The following ZNF786 variants were observed in gnomAD, a reference collection of about 807,000 sequenced individuals.
ZNF786 encodes zinc finger protein 786.
A neutral mutation model predicts 63.1 loss-of-function variants in ZNF786; 56 were observed. The ratio of observed to expected loss-of-function variants is 0.89; its 90% CI spans 0.72 to 1.11. The LOEUF is 1.11. Ranked by LOEUF, ZNF786 falls within the 50% of genes least tolerant of loss-of-function variation. The pLI is 0.00. For missense variants in ZNF786, 1,213 were observed against 1,041.8 expected (o/e 1.16, Z -2.26); for synonymous variants, 485 against 406.9 (o/e 1.19, Z -2.31).
chr7:149,073,281 C>T (rs1479907303), intron 3 of ZNF786, among the ~76,000 whole-genome samples: 1 of 152,206 alleles, frequency 6.6e-6, no homozygotes, highest in Non-Finnish European at 1.5e-5. Context: ...ATCCAAAAAT[C>T]TCAGACTCTC....
In ZNF786 at chr7:149,070,590, G is replaced by A. The variant is rs747263560; in HGVS notation, c.2182C>T (p.Pro728Ser). 4.3e-6 allele frequency: 7 copies of A among 1,613,846 alleles called. No homozygotes were observed. In the African/African-American group the frequency reaches 9.3e-5, roughly 22 times the overall value. The change falls in exon 4 of 4, where the codon CCC (proline) becomes TCC (serine). Residue 728 changes from proline (P) to serine (S), a missense_variant. Transcript: ENST00000491431. Reference protein sequence around the residue: ...HMLRHQRIHRPERPFACGDCG... With the variant: ...HMLRHQRIHRSERPFACGDCG... The stretch of plus-strand genomic sequence containing the variant: ...TCGCCACAGGCAAAGGGCCTCTCGG[G>A]CCTGTGGATGCGCTGGTGCCTCAGC...
At chr7:149,074,120 T>C (rs1336198473) in intron 3 of ZNF786, among the ~76,000 whole-genome samples, 1 of 151,868 alleles carries the variant, frequency 6.6e-6, no homozygotes, top group Non-Finnish European at 1.5e-5. Context: ...ACCAATTCAA[T>C]CCTGTTAACA....
intron 2 of ZNF786, among the ~76,000 whole-genome samples, chr7:149,078,316 T>C (rs767809940): frequency 1.3e-5 from 2 of 152,208 alleles, no homozygotes; most frequent in Non-Finnish European, 2.9e-5. Flanking sequence ...AACTGATTCT[T>C]CAGTAACAAT....
rs549197098 is a variant in ZNF786, at chr7:149,090,595, G to C, written c.18+28C>G. 1.9e-6 allele frequency: 3 copies of C among 1,566,488 alleles called. No homozygotes were observed. In the South Asian group the frequency reaches 3.5e-5, roughly 18 times the overall value. ...GAGGACCCACCACGACCCCGAAACC[G>C]GGCGTCCAAACAGGCTAGCCCGCTT... On this transcript the variant is annotated intron_variant, in intron 1 of 3. Transcript: ENST00000491431.
At chr7:149,081,458 A>T (rs1210128329) in intron 1 of ZNF786, among the ~76,000 whole-genome samples, 2 of 150,452 alleles carry the variant, frequency 1.3e-5, no homozygotes, top group African/African-American at 4.9e-5. Context: ...AAAAAAAAAA[A>T]AAAAAGTGTT....
In ZNF786 at chr7:149,072,582, C is replaced by G. The variant is rs1297210456; in HGVS notation, c.299-109G>C. 6 of 1,301,688 alleles carry G rather than the reference C, an allele frequency of 4.6e-6. No homozygotes were observed. In the African/African-American group the frequency reaches 7.5e-5, roughly 16 times the overall value. 80.6% of individuals were successfully genotyped at this position (1,301,688 alleles called of 1,614,324 possible). On this transcript the variant is annotated intron_variant, in intron 3 of 3. Transcript: ENST00000491431. ...GCCTTGTGGTGGCCTGGGAACCCAG[C>G]TTCCACTGAGCTACCCAACCATGCA...
intron 1 of ZNF786, among the ~76,000 whole-genome samples, chr7:149,083,524 T>TTTTA (rs146280761): frequency 6.6e-6 from 1 of 152,032 alleles, no homozygotes; most frequent in Admixed American, 6.6e-5. Flanking sequence ...CAAAGTTTAT[T>TTTTA]TTTATTTATT....
rs1481997408 is a variant in ZNF786 at position 149,074,453 on chromosome 7, T to C, written c.231A>G (p.Ser77=). 3 of 1,613,826 alleles carry C rather than the reference T, an allele frequency of 1.9e-6. No individual in the cohort carries two copies. The Admixed American group carries it at 5.0e-5, about 27-fold the overall frequency. The change falls in exon 3 of 4, where the codon TCA becomes TCG. Residue 77 remains serine (S), a synonymous_variant. Coordinates refer to ENST00000491431, the MANE Select transcript of ZNF786 (RefSeq NM_152411.4). ...CAACAGAGGAGCAAATTATGTTTCC[T>C]GATTTCTGTGATTCTCTCCATTTCC... is the stretch of plus-strand genomic sequence containing the variant. The part of the protein sequence containing the change: ...PFRKWRESQK[S]GNIICSSVDM...
At chr7:149,080,495 G>T in intron 2 of ZNF786, 96 bp downstream of exon 2, 1 of 1,297,846 alleles carries the variant, frequency 7.7e-7, no homozygotes, top group East Asian at 2.6e-5. Flanking sequence ...TAATTTCTGA[G>T]AAATCTTGCT....
rs780239977 is a variant in ZNF786, at chr7:149,071,907, G to A, written c.865C>T (p.Pro289Ser). Residue 289 changes from proline to serine, a missense_variant, in exon 4 of 4, where the codon CCG becomes TCG. Physicochemically the swap from Pro to Ser is moderately conservative, Grantham distance 74. Transcript: ENST00000491431. ...HELTHPSHRL[P>S]QQGEKPAQCT... ...TGGGCAGGCTTCTCCCCCTGCTGCGGGAGGCGGTGGCTGGGATGGGTCAGC... is the reference window on the plus strand; with the variant it reads ...TGGGCAGGCTTCTCCCCCTGCTGCGAGAGGCGGTGGCTGGGATGGGTCAGC... 2.5e-6 allele frequency: 4 copies of A among 1,605,318 alleles called. No homozygotes were observed. Among genetic ancestry groups the A allele is most frequent in the South Asian group, 1.1e-5 (1 of 90,826 alleles).
chr7:149,090,198 C>A (rs1825808022), intron 1 of ZNF786, among the ~76,000 whole-genome samples: 1 of 152,208 alleles, frequency 6.6e-6, no homozygotes, highest in African/African-American at 2.4e-5. Flanking sequence ...TTGAAGCCCC[C>A]GCCAAACACC....
intron 2 of ZNF786, among the ~76,000 whole-genome samples, chr7:149,080,043 G>A (rs1469680362): frequency 2.0e-5 from 3 of 151,818 alleles, no homozygotes; most frequent in Non-Finnish European, 2.9e-5. Context: ...ATGGCAGCAC[G>A]CACCTGTAGT....
chr7:149,084,835 C>T (rs1256306771), intron 1 of ZNF786, among the ~76,000 whole-genome samples: 1 of 152,116 alleles, frequency 6.6e-6, no homozygotes, highest in Non-Finnish European at 1.5e-5. Context: ...GTTGCAGTTG[C>T]TTTTGGAGTC....
intron 1 of ZNF786, among the ~76,000 whole-genome samples, chr7:149,089,828 C>T (rs1047423123): frequency 1.3e-5 from 2 of 152,060 alleles, no homozygotes; most frequent in African/African-American, 2.4e-5. Context: ...ATTCTCCTGC[C>T]TGAGCCTCCC....
At chr7:149,077,330 G>A (rs115232021) in intron 2 of ZNF786, among the ~76,000 whole-genome samples, 1 of 152,134 alleles carries the variant, frequency 6.6e-6, no homozygotes. Context: ...CTGACTATTA[G>A]ATTAAGAAGA....
chr7:149,072,422 T>G lies in ZNF786; in HGVS notation c.350A>C (p.Asp117Ala). The change falls in exon 4 of 4, where the codon GAT (aspartate) becomes GCT (alanine). Residue 117 changes from aspartate to alanine, a missense_variant. Transcript: ENST00000491431. ...TCCAAAGGAACACTGGCTTTCAGGA[T>G]CTAATTGGAAATGGCTTTTAGTTTT... ...SGKTKSHFQL[D>A]PESQCSFGSF... The G allele has an allele frequency of 1.9e-6, 3 of 1,608,028 alleles. No individual in the cohort carries two copies. Among genetic ancestry groups the G allele is most frequent in the Non-Finnish European group, 2.5e-6 (3 of 1,177,856 alleles).
chr7:149,071,978 C>T lies in ZNF786; in HGVS notation c.794G>A (p.Arg265Lys), dbSNP rs370336920. ...LLRHLAAHTG[R>K]GPFRNADGEM... is the part of the protein sequence containing the mutation. ...ACCGTCAGCGTTCCGGAAGGGGCCC[C>T]TCCCCGTGTGGGCCGCCAGATGGCG... Residue 265 changes from arginine (R) to lysine (K), a missense_variant, in exon 4 of 4, where the codon AGG becomes AAG. Physicochemically the swap from Arg to Lys is conservative, Grantham distance 26. Coordinates refer to ENST00000491431, the MANE Select transcript of ZNF786 (RefSeq NM_152411.4). 19 of 1,612,632 alleles carry T rather than the reference C, an allele frequency of 1.2e-5. 1 individual carries two copies. In the Middle Eastern group the frequency reaches 4.9e-4, roughly 42 times the overall value.
intron 2 of ZNF786, among the ~76,000 whole-genome samples, chr7:149,078,070 C>T (rs1825589691): frequency 6.6e-6 from 1 of 151,610 alleles, no homozygotes; most frequent in Non-Finnish European, 1.5e-5. Context: ...ACCATGTCGG[C>T]CAGGCTGGTG....
In ZNF786 at chr7:149,071,613, G is replaced by C; in HGVS notation, c.1159C>G (p.Pro387Ala). ...TTTTCTCCAGTATGCGCCCTGCAGG[G>C]GCTGGCGAGCCTGGCGCTCATAGGG... is the stretch of plus-strand genomic sequence containing the variant. ...RSPMSARLAS[P>A]CRAHTGEKPF... The change falls in exon 4 of 4, where the codon CCC becomes GCC. Residue 387 changes from proline (P) to alanine (A), a missense_variant. Coordinates refer to ENST00000491431, the MANE Select transcript of ZNF786 (RefSeq NM_152411.4). The C allele has an allele frequency of 6.3e-7, 1 of 1,595,362 alleles. No individual in the cohort carries two copies. The highest frequency in any genetic ancestry group is 8.5e-7 in the Non-Finnish European group (1 of 1,172,926).
Sources: allele counts gnomAD v4.1 joint callset (sites outside exome capture counted in the v4.1 genomes callset), GRCh38; gene constraint gnomAD v4.1.1; transcripts MANE v1.5; gene names NCBI Gene and HGNC (gene_info 2026-07-23, HGNC 2026-07-21).